VPS13A: variants seen among roughly 807,000 people sequenced by gnomAD.
VPS13A encodes vacuolar protein sorting 13 homolog A.
In VPS13A, 264 loss-of-function variants were observed where a neutral mutation model predicts 390.9. That is an observed-to-expected ratio of 0.68 (90% CI 0.61 to 0.75). VPS13A has a LOEUF of 0.75. VPS13A is among the 30% of genes least tolerant of loss of function. VPS13A has a pLI of 0.00. For missense variants in VPS13A, 3,409 were observed against 3,733.9 expected, an observed-to-expected ratio of 0.91 and a Z score of 2.27; for synonymous variants, 1,231 against 1,227.1, an observed-to-expected ratio of 1.00 and a Z score of -0.07.
chr9:77,325,746 A>G (rs1829986819), intron 45 of VPS13A, among the ~76,000 whole-genome samples: 1 of 152,158 alleles, frequency 6.6e-6, no homozygotes, highest in South Asian at 2.1e-4. Context: ...CTTCACATAC[A>G]GAATCAAAAC....
chr9:77,364,153 C>T (rs549908215), intron 59 of VPS13A, among the ~76,000 whole-genome samples: 81 of 152,194 alleles, frequency 5.3e-4, no homozygotes, highest in Admixed American at 2.5e-3. Context: ...CTGCCAAGTA[C>T]GGTGGCTCAC....
chr9:77,240,480 T>G (rs1432882456), intron 19 of VPS13A, among the ~76,000 whole-genome samples: 3 of 30,594 alleles, frequency 9.8e-5, no homozygotes, highest in African/African-American at 3.2e-4. Flanking sequence ...ATGTTTTTGT[T>G]TTTTTTTTTT....
chr9:77,390,233 A>T, intron 68 of VPS13A: 1 of 562,264 alleles, frequency 1.8e-6, no homozygotes, highest in Non-Finnish European at 2.3e-6. Context: ...TCTGAATGGG[A>T]TGAGAACACT....
chr9:77,238,028 A>G lies in VPS13A; in HGVS notation c.1622A>G (p.His541Arg), dbSNP rs555534237. Residue 541 changes from histidine to arginine, a missense_variant, in exon 18 of 72, where the codon CAT becomes CGT. By Grantham distance (29) the His-to-Arg change is conservative (BLOSUM62 0). This residue lies in a region of VPS13A where 2,717 missense variants were observed against 2,917.4 expected (regional missense o/e 0.93). Transcript: ENST00000360280. The part of the protein sequence containing the change: ...IKFETKIDSF[H>R]ITGLPDNSEK... ...TTTGAAACTAAAATAGATTCATTTC[A>G]TATTACTGGCTTACCAGATAATTCA... 85 of 1,612,206 alleles carry G rather than the reference A, an allele frequency of 5.3e-5. No individual in the cohort carries two copies. The South Asian group carries it at 8.3e-4, about 16-fold the overall frequency.
intron 57 of VPS13A, 78 bp from the exon 58 acceptor site, chr9:77,359,255 T>C (rs1224307555): frequency 5.3e-6 from 6 of 1,139,206 alleles, no homozygotes; most frequent in Non-Finnish European, 7.9e-6. Flanking sequence ...TAATTTTCCA[T>C]TGTGGTGTAT....
chr9:77,357,805 A>G lies in VPS13A; in HGVS notation c.7920A>G (p.Gln2640=), dbSNP rs200387635. ...LKVEYNTSAH[Q]SSFRIQIYRI... is the part of the protein sequence containing the mutation. ...TGGAATATAACACATCTGCACATCA[A>G]TCATCATTTAGAATTCAGATTTACA... The change falls in exon 56 of 72, where the codon CAA becomes CAG. Residue 2640 remains glutamine, a synonymous_variant. Transcript: ENST00000360280. 8.8e-4 allele frequency: 1,417 copies of G among 1,613,776 alleles called. No individual in the cohort carries two copies. The highest frequency in any genetic ancestry group is 1.1e-3 in the Non-Finnish European group (1,323 of 1,179,860).
chr9:77,238,603 T>TA (rs1485088041), intron 19 of VPS13A, among the ~76,000 whole-genome samples: 1 of 152,222 alleles, frequency 6.6e-6, no homozygotes, highest in Admixed American at 6.5e-5. Context: ...TAACCACATT[T>TA]AAGTTAGTTG....
Position 77,273,291 on chromosome 9 carries a change from T to C in VPS13A, c.2439T>C (p.Ser813=). 6.2e-7 allele frequency: 1 copy of C among 1,611,126 alleles called. No homozygotes were observed. Among genetic ancestry groups the C allele is most frequent in the South Asian group, 1.1e-5 (1 of 90,628 alleles). The part of the protein sequence containing the change: ...APVKSFQIQT[S]TSLGTSQISQ... ...TACTTTTCTTTCAGATTCAAACATC[T>C]ACTTCTTTGGGAACATCACAGATTT... is the stretch of plus-strand genomic sequence containing the variant. The change falls in exon 24 of 72, where the codon TCT becomes TCC. Residue 813 remains serine (S), a synonymous_variant. Coordinates refer to ENST00000360280, the MANE Select transcript of VPS13A (RefSeq NM_033305.3).
At position 77,283,651 on chromosome 9, in the gene VPS13A, G is replaced by A. The variant is rs756508367; in HGVS notation, c.3339+1G>A. 2 of 1,590,390 alleles carry A rather than the reference G, an allele frequency of 1.3e-6. No homozygotes were observed. Among genetic ancestry groups the A allele is most frequent in the South Asian group, 1.1e-5 (1 of 89,556 alleles). ...TGATATAACAGCTATATACAAAAAG[G>A]TAAGAATTCTTTTAATTAAATAATA... is the stretch of plus-strand genomic sequence containing the variant. On this transcript the variant is annotated splice_donor_variant, in intron 31 of 71. Transcript: ENST00000360280. LOFTEE classifies it high-confidence loss of function.
rs1387570520 is a variant in VPS13A, at chr9:77,417,585, C to T, written c.*1579C>T. 1 of 151,968 alleles carries T rather than the reference C, an allele frequency of 6.6e-6. No individual in the cohort carries two copies. 9.4% of individuals were successfully genotyped at this position (151,968 alleles called of 1,614,324 possible). On this transcript the variant is annotated 3_prime_UTR_variant, in exon 72 of 72. Coordinates refer to ENST00000360280, the MANE Select transcript of VPS13A (RefSeq NM_033305.3). ...TGCTTATTTTCTCTGTCGCTAAGCT[C>T]CTCCAGTTTTGCTTTTGTCAGAATT...
In VPS13A at chr9:77,378,843, G is replaced by A. The variant is rs141684361; in HGVS notation, c.9078-3133G>A. The stretch of plus-strand genomic sequence containing the variant: ...TTCACATCTATAAATTTCCCTCTGA[G>A]CACTGTCTTTGCTGCATCTTATAAG... On this transcript the variant is annotated intron_variant, in intron 67 of 71. Transcript: ENST00000360280. 8.3e-4 allele frequency among the ~76,000 whole-genome samples: 126 copies of A among 151,826 alleles called. 2 individuals carry two copies. In the East Asian group the frequency reaches 0.01, roughly 13 times the overall value.
chr9:77,204,116 A>G (rs1342965133), intron 3 of VPS13A, among the ~76,000 whole-genome samples: 1 of 152,192 alleles, frequency 6.6e-6, no homozygotes, highest in African/African-American at 2.4e-5. Context: ...AGTTTTCTAC[A>G]CATGGAGTTT....
chr9:77,237,177 C>T (rs568557968), intron 17 of VPS13A, among the ~76,000 whole-genome samples: 4 of 152,002 alleles, frequency 2.6e-5, no homozygotes, highest in South Asian at 2.1e-4. Context: ...CGTGAGCCAC[C>T]GAGCCCAGCC....
rs187726223 is a variant in VPS13A, at chr9:77,281,384, A to G, written c.2905-483A>G. On this transcript the variant is annotated intron_variant, in intron 27 of 71. Transcript: ENST00000360280. ...CATTTAACATTGTGTACATATATCA[A>G]AACATCACATTGTCCTCCATAAGTG... 9.2e-5 allele frequency among the ~76,000 whole-genome samples: 14 copies of G among 152,324 alleles called. No homozygotes were observed. The East Asian group carries it at 9.6e-4, about 10-fold the overall frequency.
rs1832089192 is a variant in VPS13A, at chr9:77,360,610, T to C, written c.8180T>C (p.Met2727Thr). The C allele has an allele frequency of 6.2e-7, 1 of 1,612,814 alleles. No individual in the cohort carries two copies. The highest frequency in any genetic ancestry group is 1.7e-5 in the Admixed American group (1 of 59,984). ...LGFIYALTDLMTEAEVTENTE... is the reference protein window; with the variant it reads ...LGFIYALTDLTTEAEVTENTE... ...TTTATCTATGCTTTAACAGACCTTATGACAGAAGCTGAGGTGACTGAAAAT... is the reference window on the plus strand; with the variant it reads ...TTTATCTATGCTTTAACAGACCTTACGACAGAAGCTGAGGTGACTGAAAAT... Residue 2727 changes from methionine (M) to threonine (T), a missense_variant, in exon 59 of 72, where the codon ATG becomes ACG. Transcript: ENST00000360280.
intron 45 of VPS13A, among the ~76,000 whole-genome samples, 156 bp downstream of exon 45, chr9:77,323,383 A>G (rs1829848770): frequency 6.6e-6 from 1 of 152,136 alleles, no homozygotes; most frequent in African/African-American, 2.4e-5. Context: ...CAGTTGCGCT[A>G]CTTGGTTATG....
chr9:77,276,283 A>G (rs1026322834), intron 26 of VPS13A, 62 bp downstream of exon 26: 2 of 1,405,000 alleles, frequency 1.4e-6, no homozygotes, highest in Non-Finnish European at 1.9e-6. Flanking sequence ...CCTGCTAGAG[A>G]GTTTTCAATT....
At chr9:77,384,556 GCTTCTTTTTTC>G (rs774781875) in intron 68 of VPS13A, 12 of 1,610,848 alleles carry the variant, frequency 7.4e-6, no homozygotes, top group Non-Finnish European at 1.0e-5. Context: ...TAACCTTTGT[GCTTCTTTTTTC>G]CTTTGCCATG....
At chr9:77,414,764 T>TAATAAA (rs1554683538) in intron 71 of VPS13A, among the ~76,000 whole-genome samples, 7 of 146,818 alleles carry the variant, frequency 4.8e-5, no homozygotes, top group African/African-American at 1.2e-4. Flanking sequence ...ATAATAATAA[T>TAATAAA]AATAAAAACT....
Sources: allele counts gnomAD v4.1 joint callset (sites outside exome capture counted in the v4.1 genomes callset), GRCh38; gene constraint gnomAD v4.1.1; regional missense constraint gnomAD v4.1.1; transcripts MANE v1.5; gene names NCBI Gene and HGNC (gene_info 2026-07-23, HGNC 2026-07-21).